OLFM1: variants seen among roughly 807,000 people sequenced by gnomAD.
The protein encoded by OLFM1 is noelin.
In OLFM1, 9 loss-of-function variants were observed where a neutral mutation model predicts 49.7. The ratio of observed to expected loss-of-function variants is 0.18; its 90% CI spans 0.11 to 0.32. The LOEUF (loss-of-function observed/expected upper bound fraction) is 0.32, where lower values mean the gene tolerates loss of function less well. Among genes scored for constraint, OLFM1 ranks in the 10% least tolerant of loss-of-function variants. The pLI, the probability that OLFM1 is intolerant of heterozygous loss-of-function variation, is 1.00. For missense variants in OLFM1, 369 were observed against 661.8 expected, an observed-to-expected ratio of 0.56 and a Z score of 4.85; for synonymous variants, 240 against 271.8, an observed-to-expected ratio of 0.88 and a Z score of 1.15.
chr9:135,118,996 G>T (rs1283430538), intron 5 of OLFM1, among the ~76,000 whole-genome samples: 7 of 151,468 alleles, frequency 4.6e-5, no homozygotes, highest in African/African-American at 1.7e-4. Flanking sequence ...ATGCTCGCCG[G>T]GTCTTTGGAG....
chr9:135,115,283 C>A (rs1383176128), intron 5 of OLFM1, among the ~76,000 whole-genome samples: 1 of 152,210 alleles, frequency 6.6e-6, no homozygotes, highest in African/African-American at 2.4e-5. Flanking sequence ...ACGTCCACAT[C>A]CAGGTTGCAT....
At chr9:135,089,879 C>T (rs1830656239) in intron 1 of OLFM1, among the ~76,000 whole-genome samples, 1 of 152,188 alleles carries the variant, frequency 6.6e-6, no homozygotes. Context: ...TTGCCCCTCC[C>T]ATCCACCCAG....
At chr9:135,092,386 A>G (rs756753874) in intron 2 of OLFM1, among the ~76,000 whole-genome samples, 29 of 152,362 alleles carry the variant, frequency 1.9e-4, no homozygotes, top group Non-Finnish European at 1.0e-4. Context: ...CAACTGGCCT[A>G]GTTCGTAAAG....
chr9:135,106,902 C>T (rs759425261), intron 5 of OLFM1, 47 bp downstream of exon 5: 1 of 1,439,980 alleles, frequency 6.9e-7, no homozygotes, highest in South Asian at 1.2e-5. Context: ...CAAGGGCGCT[C>T]TCGGACACCT....
At chr9:135,083,628 C>T (rs1403870411), upstream of OLFM1, among the ~76,000 whole-genome samples, 2 of 152,186 alleles carry the variant, frequency 1.3e-5, no homozygotes, top group Non-Finnish European at 2.9e-5. Flanking sequence ...AGTTGAATCT[C>T]CTGGGTCGGC....
intron 2 of OLFM1, among the ~76,000 whole-genome samples, chr9:135,091,641 ACACT>A (rs1302565361): frequency 3.6e-5 from 5 of 137,570 alleles, no homozygotes; most frequent in African/African-American, 9.1e-5. Context: ...ATAGTCACAC[ACACT>A]CACATAGTCA....
exon 1 of OLFM1, chr9:135,075,744 C>T (rs115219791): frequency 2.5e-6 from 4 of 1,606,074 alleles, no homozygotes; most frequent in Non-Finnish European, 2.5e-6. Flanking sequence ...GACATGCACC[C>T]GGCCCGGAAG....
chr9:135,087,658 C>A, upstream of OLFM1: 1 of 518,894 alleles, frequency 1.9e-6, no homozygotes, highest in Non-Finnish European at 2.8e-6. Context: ...GCGCAGCCCG[C>A]GCAGCGCTCA....
At chr9:135,092,916 G>T (rs1830736037) in intron 2 of OLFM1, among the ~76,000 whole-genome samples, 1 of 152,162 alleles carries the variant, frequency 6.6e-6, no homozygotes, top group Non-Finnish European at 1.5e-5. Context: ...CGCACACCCT[G>T]GCCTGTGTGC....
intron 5 of OLFM1, 28 bp downstream of exon 5, chr9:135,106,883 T>A: frequency 1.3e-6 from 2 of 1,543,822 alleles, no homozygotes; most frequent in Non-Finnish European, 1.8e-6. Context: ...TCATAGGGGG[T>A]CATTTGGGCA....
At chr9:135,109,482 T>G (rs1045624893) in intron 5 of OLFM1, among the ~76,000 whole-genome samples, 2 of 151,472 alleles carry the variant, frequency 1.3e-5, no homozygotes, top group African/African-American at 4.9e-5. Flanking sequence ...GGCAAGGGGG[T>G]GGGGGAGATG....
In OLFM1 at chr9:135,080,424, C is replaced by T. The variant is rs1024401806; in HGVS notation, c.96+4622C>T. Among the ~76,000 whole-genome samples the T allele has an allele frequency of 1.3e-5, 2 of 152,070 alleles. No individual in the cohort carries two copies. Among genetic ancestry groups the T allele is most frequent in the African/African-American group, 4.8e-5 (2 of 41,406 alleles). The stretch of plus-strand genomic sequence containing the variant: ...CGTGGAATTCATTCAGTCTTTGCAC[C>T]AAAGTTGGCTGTGGCCTCTCAGGCT... On this transcript the variant is annotated intron_variant, in intron 1 of 5. Coordinates refer to the OLFM1 transcript ENST00000252854. This position sits in a 1 kb window ranked among gnomAD's most constrained non-coding sequence, Gnocchi z 4.5.
intron 1 of OLFM1, among the ~76,000 whole-genome samples, chr9:135,089,634 G>C (rs995193035): frequency 2.2e-4 from 34 of 152,224 alleles, no homozygotes; most frequent in African/African-American, 7.7e-4. Flanking sequence ...CGGCTGGGAG[G>C]TTGCTGTAGC....
Position 135,088,019 on chromosome 9 carries a change from C to G in OLFM1, c.30C>G (p.Val10=), listed in dbSNP as rs979084714. The change falls in exon 1 of 6, where the codon GTC becomes GTG. Residue 10 remains valine (V), a synonymous_variant. Coordinates refer to ENST00000371793, the MANE Select transcript of OLFM1 (RefSeq NM_001282611.2). The surrounding 1 kb of genome is among the most constrained non-coding windows in gnomAD (Gnocchi z 4.8). ...CGGTGCCGCTGCTCAAGATCGGGGTCGTGCTGAGCACCATGGCCATGATCA... is the reference window on the plus strand; with the variant it reads ...CGGTGCCGCTGCTCAAGATCGGGGTGGTGCTGAGCACCATGGCCATGATCA... MSVPLLKIG[V]VLSTMAMITN... is the part of the protein sequence containing the mutation. 2.7e-6 allele frequency: 4 copies of G among 1,457,168 alleles called. No homozygotes were observed. Among genetic ancestry groups the G allele is most frequent in the Non-Finnish European group, 3.7e-6 (4 of 1,095,756 alleles). The allele number at this position is 1,457,168 out of a possible 1,614,324, so 90.3% of individuals were successfully genotyped here. A position where few individuals can be genotyped will look rare whatever the true frequency, so the allele number is the denominator to read the frequency against.
intron 2 of OLFM1, among the ~76,000 whole-genome samples, chr9:135,091,336 C>T (rs1312955903): frequency 6.6e-6 from 1 of 152,194 alleles, no homozygotes; most frequent in Non-Finnish European, 1.5e-5. Flanking sequence ...CATTGATTCC[C>T]CAGAAGAAAG....
intron 2 of OLFM1, 56 bp from the exon 3 acceptor site, chr9:135,095,805 GAGA>G: frequency 1.9e-6 from 3 of 1,585,248 alleles, no homozygotes; most frequent in Non-Finnish European, 2.6e-6. Context: ...CGAGCAGGCA[GAGA>G]AGATTGCCTG....
chr9:135,088,756 G>A lies in OLFM1; in HGVS notation c.150+617G>A, dbSNP rs1830638210. Among the ~76,000 whole-genome samples the A allele has an allele frequency of 6.6e-6, 1 of 152,212 alleles. No homozygotes were observed. Among genetic ancestry groups the A allele is most frequent in the Non-Finnish European group, 1.5e-5 (1 of 68,042 alleles). ...CCTTCTCCTCCGAGGACGGTGCCGA[G>A]GGGCTTGGGTGGGGCCCCTGGGAGC... On this transcript the variant is annotated intron_variant, in intron 1 of 5. Coordinates refer to ENST00000371793, the MANE Select transcript of OLFM1 (RefSeq NM_001282611.2). The surrounding 1 kb of genome is among the most constrained non-coding windows in gnomAD (Gnocchi z 4.8).
chr9:135,076,141 A>G (rs1588198140), intron 1 of OLFM1: 1 of 1,549,124 alleles, frequency 6.5e-7, no homozygotes, highest in Non-Finnish European at 8.7e-7. Flanking sequence ...CTGGAGGGGG[A>G]AGAGTGAGAG....
intron 5 of OLFM1, among the ~76,000 whole-genome samples, chr9:135,111,335 C>T (rs1303586771): frequency 2.0e-5 from 3 of 152,194 alleles, no homozygotes; most frequent in Admixed American, 6.5e-5. Flanking sequence ...CAGCCTGTGT[C>T]GTCGAATTAG....
Sources: gnomAD v4.1 joint callset for allele counts (sites outside exome capture counted in the v4.1 genomes callset) on GRCh38, gnomAD v4.1.1 for gene constraint, Gnocchi (gnomAD v3.1) non-coding constraint, MANE v1.5 for transcripts, NCBI Gene and HGNC (gene_info 2026-07-23, HGNC 2026-07-21) for gene names.